KIF5B: variants seen among roughly 807,000 people sequenced by gnomAD.
The protein encoded by KIF5B is kinesin-1 heavy chain.
KIF5B carries 49 observed loss-of-function variants against 132.8 expected under a neutral mutation model. The ratio of observed to expected loss-of-function variants is 0.37; its 90% CI spans 0.29 to 0.47. KIF5B has a LOEUF of 0.47. KIF5B is among the 20% of genes least tolerant of loss of function. KIF5B has a pLI of 1.00. For missense variants in KIF5B, 780 were observed against 1,144.0 expected (o/e 0.68, Z 4.59); for synonymous variants, 355 against 369.4 (o/e 0.96, Z 0.45).
At chr10:32,052,867 T>C (rs908228372) in intron 1 of KIF5B, among the ~76,000 whole-genome samples, 2 of 152,210 alleles carry the variant, frequency 1.3e-5, no homozygotes, top group African/African-American at 2.4e-5. Flanking sequence ...AGAAACACTA[T>C]GAAAGATTTG....
rs1841764901 is a variant in KIF5B, at chr10:32,056,356, TCCGCCCGCTCTG to T, written c.-395_-384del. On this transcript the variant is annotated 5_prime_UTR_variant, in exon 1 of 26. Coordinates refer to ENST00000302418, the MANE Select transcript of KIF5B (RefSeq NM_004521.3). ...GCGAAGAGCAGGCCGGGCCTACCCGTCCGCCCGCTCTGCCGTCCGCTGGCCGGCCGACTGCTG... is the reference window on the plus strand; with the variant it reads ...GCGAAGAGCAGGCCGGGCCTACCCGTCCGTCCGCTGGCCGGCCGACTGCTG... 4.4e-6 allele frequency: 1 copy of T among 227,452 alleles called. No individual in the cohort carries two copies. The highest frequency in any genetic ancestry group is 8.8e-6 in the Non-Finnish European group (1 of 113,974). 14.1% of individuals were successfully genotyped at this position (227,452 alleles called of 1,614,324 possible). A position where few individuals can be genotyped will look rare whatever the true frequency, so the allele number is the denominator to read the frequency against.
chr10:32,055,037 G>A (rs1841735466), intron 1 of KIF5B, among the ~76,000 whole-genome samples: 1 of 152,002 alleles, frequency 6.6e-6, no homozygotes, highest in Non-Finnish European at 1.5e-5. Context: ...CTTTCTGTCT[G>A]ATACAAAAAC....
intron 25 of KIF5B, among the ~76,000 whole-genome samples, chr10:32,012,343 T>G (rs534487666): frequency 6.6e-5 from 10 of 152,206 alleles, no homozygotes; most frequent in Admixed American, 6.5e-4. Context: ...GGCGTGGTAG[T>G]GGGCGCCTGT....
intron 1 of KIF5B, among the ~76,000 whole-genome samples, chr10:32,052,350 A>G (rs1427170703): frequency 4.6e-5 from 7 of 152,198 alleles, no homozygotes; most frequent in Non-Finnish European, 1.0e-4. Context: ...AGAAGGTTCA[A>G]ACACCAAATC....
Position 32,022,236 on chromosome 10 carries a change from A to G in KIF5B, c.1936T>C (p.Leu646=), listed in dbSNP as rs1564463932. 1.2e-6 allele frequency: 2 copies of G among 1,610,958 alleles called. No homozygotes were observed. The highest frequency in any genetic ancestry group is 1.7e-6 in the Non-Finnish European group (2 of 1,178,282). The stretch of plus-strand genomic sequence containing the variant: ...TCCACATTTTGAAGGTATTCAGTCA[A>G]TGACTTGATTTTGGCTTCATGCTTT... ...ISQHEAKIKS[L]TEYLQNVEQK... Residue 646 remains leucine (L), a synonymous_variant, in exon 17 of 26, where the codon TTG becomes CTG. Transcript: ENST00000302418.
intron 14 of KIF5B, among the ~76,000 whole-genome samples, chr10:32,030,693 TATTTA>T (rs1841392481): frequency 6.6e-6 from 1 of 152,244 alleles, no homozygotes; most frequent in Non-Finnish European, 1.5e-5. Flanking sequence ...TTGTACTGCA[TATTTA>T]ATTTATTGTT....
intron 24 of KIF5B, among the ~76,000 whole-genome samples, chr10:32,016,123 G>A (rs1345969210): frequency 4.0e-5 from 6 of 151,888 alleles, no homozygotes; most frequent in African/African-American, 1.5e-4. Context: ...TAGCATGGGT[G>A]ACAAGCAAGA....
Position 32,019,866 on chromosome 10 carries a change from A to G in KIF5B, c.2298T>C (p.His766=). Residue 766 remains histidine, a synonymous_variant, in exon 20 of 26, where the codon CAT becomes CAC. Coordinates refer to ENST00000302418, the MANE Select transcript of KIF5B (RefSeq NM_004521.3). ...ATDQEKSRKL[H]ELTVMQDRRE... ...TAAAAACAATTACTCACGTAAGTTC[A>G]TGTAGTTTTCTGCTCTTTTCCTGAT... The G allele has an allele frequency of 1.3e-6, 2 of 1,596,814 alleles. No individual in the cohort carries two copies. Among genetic ancestry groups the G allele is most frequent in the Non-Finnish European group, 1.7e-6 (2 of 1,167,712 alleles).
chr10:32,035,037 T>TAA (rs577102313), intron 10 of KIF5B, among the ~76,000 whole-genome samples, 199 bp from the exon 11 acceptor site: 6 of 144,072 alleles, frequency 4.2e-5, no homozygotes, highest in South Asian at 2.2e-4. Context: ...TGAATAGCTT[T>TAA]AAAAAAAAAA....
At chr10:32,034,116 T>C (rs1051224101) in intron 11 of KIF5B, 78 bp from the exon 12 acceptor site, 1 of 917,844 alleles carries the variant, frequency 1.1e-6, no homozygotes, top group East Asian at 2.8e-5. Flanking sequence ...TAAAAATTTT[T>C]TTTTTTTTTT....
intron 3 of KIF5B, 88 bp from the exon 4 acceptor site, chr10:32,039,519 G>T: frequency 1.5e-6 from 1 of 661,606 alleles, no homozygotes; most frequent in Non-Finnish European, 2.6e-6. Context: ...TTATAGTCAA[G>T]AAAGGACAGG....
Position 32,009,572 on chromosome 10 carries a change from T to G in KIF5B, c.*1965A>C, listed in dbSNP as rs1343042365. 2.6e-5 allele frequency: 4 copies of G among 152,166 alleles called. No homozygotes were observed. Among genetic ancestry groups the G allele is most frequent in the Admixed American group, 2.6e-4 (4 of 15,268 alleles). The allele number at this position is 152,166 out of a possible 1,614,324, so 9.4% of individuals were successfully genotyped here. ...CTAACATTGTATATTCTGAACCACA[T>G]GCTAATTAAAATTCGTTGTTCATTA... is the stretch of plus-strand genomic sequence containing the variant. On this transcript the variant is annotated 3_prime_UTR_variant, in exon 26 of 26. Transcript: ENST00000302418.
Position 32,015,547 on chromosome 10 carries a change from T to A in KIF5B, c.2874A>T (p.Gly958=). 5 of 1,611,984 alleles carry A rather than the reference T, an allele frequency of 3.1e-6. 1 individual carries two copies. In the South Asian group the frequency reaches 5.5e-5, roughly 18 times the overall value. The part of the protein sequence containing the change: ...QNSQPVAVRG[G]GGKQV Reference sequence around the variant, plus strand: ...TAAACGATTACACTTGTTTGCCTCCTCCACCTCGCACTGCCACTGGCTGGC... The same window carrying A: ...TAAACGATTACACTTGTTTGCCTCCACCACCTCGCACTGCCACTGGCTGGC... The change falls in exon 25 of 26, where the codon GGA becomes GGT. Residue 958 remains glycine, a synonymous_variant. Transcript: ENST00000302418.
intron 24 of KIF5B, among the ~76,000 whole-genome samples, chr10:32,016,405 G>A (rs562142326): frequency 2.3e-4 from 35 of 152,008 alleles, no homozygotes; most frequent in African/African-American, 8.0e-4. Context: ...GCAGTGAGCC[G>A]AGATCACGCC....
chr10:32,014,126 ACAAT>A (rs895329725), intron 25 of KIF5B, among the ~76,000 whole-genome samples: 6 of 152,224 alleles, frequency 3.9e-5, no homozygotes, highest in Non-Finnish European at 8.8e-5. Context: ...AGAGTTAGTT[ACAAT>A]CAGAGTTGCT....
intron 1 of KIF5B, among the ~76,000 whole-genome samples, chr10:32,053,418 C>T (rs1452021952): frequency 2.1e-5 from 3 of 139,754 alleles, no homozygotes; most frequent in Admixed American, 1.5e-4. Flanking sequence ...TTTGGTTACA[C>T]GTTAAAAAAA....
intron 19 of KIF5B, 61 bp from the exon 20 acceptor site, chr10:32,020,020 T>C (rs745865256): frequency 1.8e-6 from 2 of 1,136,272 alleles, no homozygotes; most frequent in Non-Finnish European, 2.6e-6. Flanking sequence ...AATGTCATCA[T>C]TAAAATTTCC....
chr10:32,027,615 T>C (rs1841349919), intron 15 of KIF5B, among the ~76,000 whole-genome samples: 1 of 86,548 alleles, frequency 1.2e-5, no homozygotes, highest in Non-Finnish European at 2.8e-5. Context: ...GAGCTAATCT[T>C]TTTTTTTTTT....
intron 2 of KIF5B, among the ~76,000 whole-genome samples, chr10:32,042,224 C>A (rs1172904603): frequency 4.6e-5 from 7 of 151,958 alleles, no homozygotes; most frequent in Admixed American, 4.6e-4. Flanking sequence ...CCAACATGGG[C>A]ACAACTAAGT....
Sources: allele counts gnomAD v4.1 joint callset (sites outside exome capture counted in the v4.1 genomes callset), GRCh38; gene constraint gnomAD v4.1.1; transcripts MANE v1.5; gene names NCBI Gene and HGNC (gene_info 2026-07-23, HGNC 2026-07-21).